Variants in ATP6V0D2 observed in about 807,000 individuals in gnomAD.
ATP6V0D2 encodes the protein ATPase H+ transporting V0 subunit d2, also known as V-type proton ATPase subunit d 2.
Under a neutral mutation model 40.0 loss-of-function variants are expected in ATP6V0D2, and 40 were observed. That is an observed-to-expected ratio of 1.00 (90% CI 0.78 to 1.30). The LOEUF (loss-of-function observed/expected upper bound fraction) is 1.30, where lower values mean the gene tolerates loss of function less well. ATP6V0D2 is among the 50% of genes most tolerant of loss of function. The pLI is 0.00. For missense variants in ATP6V0D2, 470 were observed against 423.1 expected (o/e 1.11, Z -0.97); for synonymous variants, 179 against 156.3 (o/e 1.15, Z -1.08).
At chr8:86,118,016 TTCTTTC>T (rs10550842) in intron 2 of ATP6V0D2, among the ~76,000 whole-genome samples, 13,969 of 150,130 alleles carry the variant, frequency 0.093, 2,129 homozygotes, top group African/African-American at 0.32. Context: ...CTTTCTTTCT[TTCTTTC>T]TTTCTTTTTT....
intron 1 of ATP6V0D2, among the ~76,000 whole-genome samples, chr8:86,104,015 T>TG (rs1004538343): frequency 5.3e-5 from 8 of 152,042 alleles, no homozygotes; most frequent in African/African-American, 1.9e-4. Flanking sequence ...TTAGTAGAGA[T>TG]GGGGTCTCAC....
rs1334586654 is a variant in ATP6V0D2 at position 86,113,710 on chromosome 8, C to T, written c.132C>T (p.Asp44=). ...INLVQCETLE[D]LKIHLQTTDY... is the part of the protein sequence containing the mutation. Reference sequence around the variant, plus strand: ...AATTGGGGTTTCATTTAATTTCAGACCTGAAAATTCATCTCCAGACTACTG... The same window carrying T: ...AATTGGGGTTTCATTTAATTTCAGATCTGAAAATTCATCTCCAGACTACTG... The change falls in exon 2 of 8, where the codon GAC becomes GAT. Residue 44 remains aspartate (D), a splice_region_variant and synonymous_variant. Transcript: ENST00000285393. 6.3e-7 allele frequency: 1 copy of T among 1,590,136 alleles called. No homozygotes were observed. The highest frequency in any genetic ancestry group is 1.1e-5 in the South Asian group (1 of 87,130).
chr8:86,137,008 A>T (rs1476921992), intron 2 of ATP6V0D2, among the ~76,000 whole-genome samples: 7 of 152,062 alleles, frequency 4.6e-5, no homozygotes, highest in Admixed American at 4.6e-4. Flanking sequence ...CTAAAAGGAC[A>T]CATATTAAAA....
chr8:86,099,280 A>T (rs1818361254), intron 1 of ATP6V0D2, among the ~76,000 whole-genome samples, 172 bp downstream of exon 1: 2 of 152,190 alleles, frequency 1.3e-5, no homozygotes, highest in Admixed American at 1.3e-4. Flanking sequence ...TGAGGAAAAA[A>T]AAATAAATCT....
At chr8:86,145,285 GAAAGAAAGAAAGAAAGAAAGAAAGAAAA>G (rs1563566243) in intron 5 of ATP6V0D2, among the ~76,000 whole-genome samples, 15 of 79,994 alleles carry the variant, frequency 1.9e-4, no homozygotes, top group Middle Eastern at 7.5e-3. Context: ...AAGAAAGAAA[GAAAGAAAGAAAGAAAGAAAGAAAGAAAA>G]GAAAGAAGGA....
chr8:86,126,497 A>G (rs549346074), intron 2 of ATP6V0D2, among the ~76,000 whole-genome samples: 1 of 151,958 alleles, frequency 6.6e-6, no homozygotes, highest in Admixed American at 6.6e-5. Flanking sequence ...CTTACTCAAA[A>G]GCACACAGCT....
At chr8:86,122,215 C>T (rs1223738607) in intron 2 of ATP6V0D2, among the ~76,000 whole-genome samples, 4 of 152,274 alleles carry the variant, frequency 2.6e-5, no homozygotes, top group Middle Eastern at 3.4e-3. Flanking sequence ...TATCCCACCT[C>T]AGAGGCTGTA....
rs1012602354 is a variant in ATP6V0D2 at position 86,153,273 on chromosome 8, T to G, written c.*296T>G. 1 of 193,992 alleles carries G rather than the reference T, an allele frequency of 5.2e-6. No individual in the cohort carries two copies. The highest frequency in any genetic ancestry group is 2.3e-5 in the African/African-American group (1 of 42,936). 12.0% of individuals were successfully genotyped at this position (193,992 alleles called of 1,614,324 possible). A position where few individuals can be genotyped will look rare whatever the true frequency, so the allele number is the denominator to read the frequency against. ...TATTCTTGTTTGATCATGTTAAAAA[T>G]TGGACCTAATAAAAGTATTTTATTC... On this transcript the variant is annotated 3_prime_UTR_variant, in exon 8 of 8. Transcript: ENST00000285393.
chr8:86,139,601 T>C lies in ATP6V0D2; in HGVS notation c.447T>C (p.Asp149=), dbSNP rs750603590. The change falls in exon 3 of 8, where the codon GAT becomes GAC. Residue 149 remains aspartate, a synonymous_variant. Coordinates refer to ENST00000285393, the MANE Select transcript of ATP6V0D2 (RefSeq NM_152565.1). ...TCAACATTGCAGAGACACCTTCAGATCTCTTTAATGCCATTCTGATCGAAA... is the reference window on the plus strand; with the variant it reads ...TCAACATTGCAGAGACACCTTCAGACCTCTTTAATGCCATTCTGATCGAAA... ...EAVNIAETPS[D]LFNAILIETP... 1 of 1,612,688 alleles carries C rather than the reference T, an allele frequency of 6.2e-7. No individual in the cohort carries two copies. Among genetic ancestry groups the C allele is most frequent in the East Asian group, 2.2e-5 (1 of 44,842 alleles).
At chr8:86,146,453 T>G (rs1455581079) in intron 5 of ATP6V0D2, among the ~76,000 whole-genome samples, 1 of 152,132 alleles carries the variant, frequency 6.6e-6, no homozygotes, top group African/African-American at 2.4e-5. Context: ...CCCAGCACTT[T>G]GGGAGACCTA....
At chr8:86,120,541 C>A (rs927533215) in intron 2 of ATP6V0D2, among the ~76,000 whole-genome samples, 1 of 152,110 alleles carries the variant, frequency 6.6e-6, no homozygotes, top group Non-Finnish European at 1.5e-5. Context: ...GGCAACACAG[C>A]AAGACCCTGT....
intron 5 of ATP6V0D2, among the ~76,000 whole-genome samples, chr8:86,145,193 A>AG (rs1819033342): frequency 8.7e-5 from 1 of 11,468 alleles, no homozygotes; most frequent in Non-Finnish European, 1.8e-4. Flanking sequence ...AAAGAAAGAA[A>AG]GAAAAGAAAG....
chr8:86,115,530 G>A (rs1188789693), intron 2 of ATP6V0D2, among the ~76,000 whole-genome samples: 3 of 151,640 alleles, frequency 2.0e-5, no homozygotes, highest in Non-Finnish European at 2.9e-5. Context: ...TGCCATGCCC[G>A]GCTAATTTTT....
chr8:86,139,504 T>C lies in ATP6V0D2; in HGVS notation c.350T>C (p.Leu117Ser). The change falls in exon 3 of 8, where the codon TTG (leucine) becomes TCG (serine). Residue 117 changes from leucine to serine, a missense_variant. Physicochemically the swap from Leu to Ser is moderately radical, Grantham distance 145. Coordinates refer to ENST00000285393, the MANE Select transcript of ATP6V0D2 (RefSeq NM_152565.1). ...DNVILLMNGA[L>S]QKKSVKEILG... ...GTGATTCTGCTGATGAATGGTGCAT[T>C]GCAGAAAAAATCTGTGAAAGAAATT... 6.2e-7 allele frequency: 1 copy of C among 1,613,668 alleles called. No individual in the cohort carries two copies. The highest frequency in any genetic ancestry group is 8.5e-7 in the Non-Finnish European group (1 of 1,179,838).
intron 2 of ATP6V0D2, among the ~76,000 whole-genome samples, chr8:86,114,942 T>G (rs1818574293): frequency 6.6e-6 from 1 of 152,072 alleles, no homozygotes; most frequent in South Asian, 2.1e-4. Flanking sequence ...AATATATTTG[T>G]GGAAAGAAAA....
chr8:86,145,257 GAAAGAAAGAA>G (rs1331662749), intron 5 of ATP6V0D2, among the ~76,000 whole-genome samples: 12 of 47,556 alleles, frequency 2.5e-4, no homozygotes, highest in African/African-American at 9.9e-4. Context: ...GAGAGAGAGA[GAAAGAAAGAA>G]AGAAAGAAAG....
intron 2 of ATP6V0D2, among the ~76,000 whole-genome samples, chr8:86,123,804 T>A (rs889736992): frequency 3.9e-5 from 6 of 152,212 alleles, no homozygotes; most frequent in Non-Finnish European, 5.9e-5. Flanking sequence ...AATTGACATA[T>A]GCCTATACTC....
intron 2 of ATP6V0D2, among the ~76,000 whole-genome samples, chr8:86,123,102 G>T (rs1225469950): frequency 6.6e-6 from 1 of 152,142 alleles, no homozygotes; most frequent in African/African-American, 2.4e-5. Context: ...GAACACTTCC[G>T]CTACCTCTGA....
chr8:86,141,551 G>A, intron 4 of ATP6V0D2, 22 bp downstream of exon 4: 2 of 1,532,458 alleles, frequency 1.3e-6, no homozygotes, highest in Non-Finnish European at 1.8e-6. Context: ...CCCAAATATT[G>A]TCTTTTTCTT....
Sources: allele counts gnomAD v4.1 joint callset (sites outside exome capture counted in the v4.1 genomes callset), GRCh38; gene constraint gnomAD v4.1.1; transcripts MANE v1.5; gene names NCBI Gene and HGNC (gene_info 2026-07-23, HGNC 2026-07-21).